Variants in NDNF observed in about 807,000 individuals in gnomAD.
The protein encoded by NDNF is neuron derived neurotrophic factor.
Under a neutral mutation model 42.0 loss-of-function variants are expected in NDNF, and 16 were observed. The observed-to-expected ratio is 0.38, with a 90% CI of 0.26 to 0.58. NDNF has a LOEUF of 0.58. NDNF is among the 20% of genes least tolerant of loss of function. The pLI is 0.67. For missense variants in NDNF, 616 were observed against 666.2 expected, an observed-to-expected ratio of 0.92 and a Z score of 0.83; for synonymous variants, 248 against 251.7, an observed-to-expected ratio of 0.99 and a Z score of 0.14.
intron 1 of NDNF, among the ~76,000 whole-genome samples, chr4:121,059,085 G>A (rs962074979): frequency 6.6e-6 from 1 of 152,100 alleles, no homozygotes; most frequent in Non-Finnish European, 1.5e-5. Context: ...GGTGGCAAAC[G>A]TCTACTCATT....
intron 1 of NDNF, among the ~76,000 whole-genome samples, chr4:121,071,238 G>A (rs532463490): frequency 6.6e-6 from 1 of 152,236 alleles, no homozygotes; most frequent in South Asian, 2.1e-4. Context: ...TGGGGCCGTA[G>A]GGGGCGTCAC....
intron 1 of NDNF, among the ~76,000 whole-genome samples, chr4:121,059,724 C>T (rs1173611681): frequency 1.3e-5 from 2 of 152,320 alleles, no homozygotes; most frequent in African/African-American, 2.4e-5. Context: ...ATGGCATAGA[C>T]GGGTGCTTCT....
chr4:121,048,066 A>G (rs1482812853), intron 1 of NDNF, among the ~76,000 whole-genome samples: 1 of 152,216 alleles, frequency 6.6e-6, no homozygotes, highest in Non-Finnish European at 1.5e-5. Flanking sequence ...GTTTGGAGCT[A>G]ACAGAAACTG....
chr4:121,051,995 T>C (rs796084321), intron 1 of NDNF, among the ~76,000 whole-genome samples: 16 of 152,330 alleles, frequency 1.1e-4, no homozygotes, highest in African/African-American at 3.8e-4. Flanking sequence ...GAAGACGTGA[T>C]ATAAATTAAT....
chr4:121,056,294 G>A (rs2148769166), intron 1 of NDNF, among the ~76,000 whole-genome samples: 1 of 152,326 alleles, frequency 6.6e-6, no homozygotes, highest in East Asian at 1.9e-4. Flanking sequence ...GGAGGGAATT[G>A]ACTGCAGTCA....
At position 121,037,489 on chromosome 4, in the gene NDNF, A is replaced by G. The variant is rs1243707164; in HGVS notation, c.482T>C (p.Val161Ala). 6.2e-7 allele frequency: 1 copy of G among 1,614,152 alleles called. No homozygotes were observed. The highest frequency in any genetic ancestry group is 1.7e-5 in the Admixed American group (1 of 60,000). Reference sequence around the variant, plus strand: ...AGATTCTGGAGTTGTGGTGGCATATACTTTGAAATGTGTGTCTTTCTCTGT... The same window carrying G: ...AGATTCTGGAGTTGTGGTGGCATATGCTTTGAAATGTGTGTCTTTCTCTGT... ...LSTEKDTHFK[V>A]YATTTPESDQ... is the part of the protein sequence containing the mutation. The change falls in exon 4 of 4, where the codon GTA (valine) becomes GCA (alanine). Residue 161 changes from valine (V) to alanine (A), a missense_variant. Val to Ala is a moderately conservative substitution (Grantham distance 64, BLOSUM62 0). Transcript: ENST00000379692.
At chr4:121,060,682 A>G (rs1727389584) in intron 1 of NDNF, among the ~76,000 whole-genome samples, 1 of 152,220 alleles carries the variant, frequency 6.6e-6, no homozygotes, top group African/African-American at 2.4e-5. Context: ...GAAACCATTT[A>G]TTACTACTAC....
At chr4:121,037,695 C>G in intron 3 of NDNF, 38 bp from the exon 4 acceptor site, 2 of 1,488,800 alleles carry the variant, frequency 1.3e-6, no homozygotes, top group African/African-American at 1.4e-5. Flanking sequence ...ACTGTCAGGG[C>G]ATACACTGTG....
chr4:121,066,086 C>A (rs962053158), intron 1 of NDNF, among the ~76,000 whole-genome samples: 2 of 152,192 alleles, frequency 1.3e-5, no homozygotes, highest in Non-Finnish European at 2.9e-5. Context: ...TCTCATGTAA[C>A]CCATCTGTTA....
intron 1 of NDNF, among the ~76,000 whole-genome samples, chr4:121,057,333 T>C (rs1265748214): frequency 6.6e-6 from 1 of 152,164 alleles, no homozygotes; most frequent in Non-Finnish European, 1.5e-5. Flanking sequence ...CAGAAGGGAC[T>C]TTTAACAGAT....
At chr4:121,054,027 A>C (rs899007590) in intron 1 of NDNF, among the ~76,000 whole-genome samples, 1 of 152,230 alleles carries the variant, frequency 6.6e-6, no homozygotes, top group African/African-American at 2.4e-5. Context: ...CAATAAAAAA[A>C]TATTGAGTCA....
At chr4:121,059,892 G>A (rs1727373873) in intron 1 of NDNF, among the ~76,000 whole-genome samples, 1 of 152,124 alleles carries the variant, frequency 6.6e-6, no homozygotes. Flanking sequence ...GCCAGGTGAT[G>A]GGTGGGTCTG....
chr4:121,054,743 A>G (rs1278902766), intron 1 of NDNF, among the ~76,000 whole-genome samples: 4 of 152,226 alleles, frequency 2.6e-5, no homozygotes, highest in African/African-American at 9.6e-5. Context: ...TGGGTGAGGG[A>G]AGAATGGAAG....
intron 1 of NDNF, among the ~76,000 whole-genome samples, chr4:121,046,252 G>T (rs975752578): frequency 2.6e-5 from 4 of 152,148 alleles, no homozygotes; most frequent in Admixed American, 6.5e-5. Context: ...ACCAATGGTT[G>T]GTTGGTATCA....
intron 1 of NDNF, among the ~76,000 whole-genome samples, chr4:121,067,343 A>G (rs551308502): frequency 6.6e-6 from 1 of 152,330 alleles, no homozygotes; most frequent in Admixed American, 6.5e-5. Flanking sequence ...AGTGAAGCTA[A>G]AAATAAATAC....
chr4:121,036,901 C>T lies in NDNF; in HGVS notation c.1070G>A (p.Arg357Lys), dbSNP rs570604236. 6 of 1,613,968 alleles carry T rather than the reference C, an allele frequency of 3.7e-6. No homozygotes were observed. The African/African-American group carries it at 8.0e-5, about 22-fold the overall frequency. ...AAACCGTAGAAACTTTGCTCCCTTC[C>T]TTTTAACAAATACATCTGTTATCTT... ...DGKITDVFVK[R>K]KGAKFLRFAP... The change falls in exon 4 of 4, where the codon AGG becomes AAG. Residue 357 changes from arginine to lysine, a missense_variant. By Grantham distance (26) the Arg-to-Lys change is conservative. Transcript: ENST00000379692.
Position 121,036,240 on chromosome 4 carries a change from T to C in NDNF, c.*24A>G, listed in dbSNP as rs764127734. 2 of 1,547,250 alleles carry C rather than the reference T, an allele frequency of 1.3e-6. No homozygotes were observed. The highest frequency in any genetic ancestry group is 4.5e-5 in the East Asian group (2 of 44,640). ...TTAATGTCCCTCCTGGAGTTCTACA[T>C]AATATATCTCTATAAGAAGGTAACT... On this transcript the variant is annotated 3_prime_UTR_variant, in exon 4 of 4. Transcript: ENST00000379692.
At position 121,072,044 on chromosome 4, in the gene NDNF, G is replaced by A. The variant is rs1036419430; in HGVS notation, c.-53C>T. The A allele has an allele frequency of 6.6e-6, 1 of 152,290 alleles. No individual in the cohort carries two copies. The highest frequency in any genetic ancestry group is 6.5e-5 in the Admixed American group (1 of 15,282). 9.4% of individuals were successfully genotyped at this position (152,290 alleles called of 1,614,324 possible). On this transcript the variant is annotated 5_prime_UTR_variant, in exon 1 of 4. Coordinates refer to ENST00000379692, the MANE Select transcript of NDNF (RefSeq NM_024574.4). ...AAAATAGAAAAAAATCCCTCCCCGT[G>A]GTGTGGTGTGCGAAATAGTCCACGT...
chr4:121,046,485 C>T (rs1474894170), intron 1 of NDNF, among the ~76,000 whole-genome samples: 1 of 152,142 alleles, frequency 6.6e-6, no homozygotes, highest in East Asian at 1.9e-4. Flanking sequence ...TCATAAACTT[C>T]ATCTCCTTCA....
Sources: gnomAD v4.1 joint callset for allele counts (sites outside exome capture counted in the v4.1 genomes callset) on GRCh38, gnomAD v4.1.1 for gene constraint, MANE v1.5 for transcripts, NCBI Gene and HGNC (gene_info 2026-07-23, HGNC 2026-07-21) for gene names.